Variants in SLC4A10 observed in about 807,000 individuals in gnomAD.
The protein encoded by SLC4A10 is sodium-driven chloride bicarbonate exchanger.
Under a neutral mutation model 137.7 loss-of-function variants are expected in SLC4A10, and 42 were observed. The ratio of observed to expected loss-of-function variants is 0.30; its 90% confidence interval spans 0.24 to 0.39. The LOEUF is 0.39. SLC4A10 is among the 10% of genes least tolerant of loss of function. The pLI is 1.00. For synonymous variants in SLC4A10, 474 were observed against 464.1 expected (o/e 1.02, Z -0.27); for missense variants, 925 against 1,355.0 (o/e 0.68, Z 4.98).
At chr2:161,979,672 G>T (rs1360790727) in intron 26 of SLC4A10, among the ~76,000 whole-genome samples, 1 of 152,110 alleles carries the variant, frequency 6.6e-6, no homozygotes, top group African/African-American at 2.4e-5. Flanking sequence ...ATCTGTTAAA[G>T]GCTTTAAAGC....
chr2:161,923,586 A>G (rs1426271232), intron 15 of SLC4A10, among the ~76,000 whole-genome samples: 1 of 152,014 alleles, frequency 6.6e-6, no homozygotes, highest in African/African-American at 2.4e-5. Flanking sequence ...AAAAAACCAA[A>G]CACTGCATGT....
At chr2:161,718,980 G>A (rs1031714759) in intron 1 of SLC4A10, among the ~76,000 whole-genome samples, 7 of 152,008 alleles carry the variant, frequency 4.6e-5, no homozygotes, top group African/African-American at 1.7e-4. Flanking sequence ...GTATACATGT[G>A]CCATGCTGGT....
At chr2:161,632,222 T>G (rs980917822) in intron 1 of SLC4A10, among the ~76,000 whole-genome samples, 4 of 151,700 alleles carry the variant, frequency 2.6e-5, no homozygotes, top group African/African-American at 9.7e-5. Flanking sequence ...ACATAAAAAG[T>G]AGGTATATAA....
intron 21 of SLC4A10, among the ~76,000 whole-genome samples, chr2:161,963,853 C>G (rs558495045): frequency 6.6e-6 from 1 of 152,164 alleles, no homozygotes; most frequent in African/African-American, 2.4e-5. Context: ...CAGGGCTCCA[C>G]TCTTCAAGGT....
chr2:161,763,019 T>A (rs2050411114), intron 1 of SLC4A10, among the ~76,000 whole-genome samples: 1 of 152,132 alleles, frequency 6.6e-6, no homozygotes, highest in African/African-American at 2.4e-5. Context: ...AGAAAACTTC[T>A]TTGAAAGTGT....
chr2:161,834,038 A>G (rs1057014391), intron 3 of SLC4A10, among the ~76,000 whole-genome samples: 3 of 152,248 alleles, frequency 2.0e-5, no homozygotes, highest in South Asian at 2.1e-4. Flanking sequence ...GTGTTCCACC[A>G]TGACCATTTC....
At chr2:161,767,938 G>GA (rs757377874) in intron 1 of SLC4A10, among the ~76,000 whole-genome samples, 3 of 151,746 alleles carry the variant, frequency 2.0e-5, no homozygotes, top group Non-Finnish European at 4.4e-5. Context: ...CAAAACCTCA[G>GA]AAAAAAGGTG....
intron 1 of SLC4A10, among the ~76,000 whole-genome samples, chr2:161,648,886 A>AT (rs543636162): frequency 9.3e-4 from 141 of 151,728 alleles, no homozygotes; most frequent in Admixed American, 1.5e-3. Flanking sequence ...GTTGTTTTTT[A>AT]TTTTTTTTCC....
At chr2:161,857,435 T>C (rs1022776618) in intron 5 of SLC4A10, among the ~76,000 whole-genome samples, 1 of 152,184 alleles carries the variant, frequency 6.6e-6, no homozygotes, top group African/African-American at 2.4e-5. Context: ...GTGTCAGTGG[T>C]TTAATGCTAA....
chr2:161,634,908 C>T (rs1346967788), intron 1 of SLC4A10, among the ~76,000 whole-genome samples: 2 of 152,002 alleles, frequency 1.3e-5, no homozygotes, highest in Admixed American at 1.3e-4. Flanking sequence ...CTATTCTCTA[C>T]TTCTACAGAA....
intron 1 of SLC4A10, among the ~76,000 whole-genome samples, chr2:161,695,559 C>A (rs2042400329): frequency 6.6e-6 from 1 of 152,140 alleles, no homozygotes; most frequent in South Asian, 2.1e-4. Flanking sequence ...TATTTATAAT[C>A]ATTTATGTTT....
At chr2:161,825,052 T>C (rs1253752990) in intron 3 of SLC4A10, among the ~76,000 whole-genome samples, 1 of 152,218 alleles carries the variant, frequency 6.6e-6, no homozygotes, top group East Asian at 1.9e-4. Flanking sequence ...TTTTCTTGTT[T>C]TCTCCAGTTT....
chr2:161,708,925 T>G, intron 1 of SLC4A10: 1 of 1,339,272 alleles, frequency 7.5e-7, no homozygotes, highest in African/African-American at 1.5e-5. Context: ...AATGTAATTG[T>G]TTATTGTCAG....
At chr2:161,731,831 A>C (rs2046850536) in intron 1 of SLC4A10, among the ~76,000 whole-genome samples, 1 of 152,184 alleles carries the variant, frequency 6.6e-6, no homozygotes, top group African/African-American at 2.4e-5. Flanking sequence ...TTTCCTGTCA[A>C]AATTCCCTGA....
Position 161,964,115 on chromosome 2 carries a change from T to TA in SLC4A10, c.2863-19dup. 1.9e-6 allele frequency: 3 copies of TA among 1,565,738 alleles called. No individual in the cohort carries two copies. Among genetic ancestry groups the TA allele is most frequent in the Non-Finnish European group, 2.6e-6 (3 of 1,154,270 alleles). On this transcript the variant is annotated intron_variant, in intron 21 of 26. Coordinates refer to ENST00000446997, the MANE Select transcript of SLC4A10 (RefSeq NM_001178015.2). Reference sequence around the variant, plus strand: ...TGTTGTCTTACACCTAAAAACAATTTAGTCTGTTTAATCTTTTAGTTCTTT... The same window carrying TA: ...TGTTGTCTTACACCTAAAAACAATTTAAGTCTGTTTAATCTTTTAGTTCTTT...
chr2:161,747,530 T>C (rs2048512097), intron 1 of SLC4A10, among the ~76,000 whole-genome samples: 1 of 152,118 alleles, frequency 6.6e-6, no homozygotes, highest in African/African-American at 2.4e-5. Context: ...ACTCGCCTGA[T>C]TTTTGGTTCT....
chr2:161,830,512 A>G (rs573819267), intron 3 of SLC4A10, among the ~76,000 whole-genome samples: 3 of 151,978 alleles, frequency 2.0e-5, no homozygotes, highest in South Asian at 4.2e-4. Flanking sequence ...CAGTTACAGA[A>G]TAAGACTGGA....
chr2:161,683,804 G>T (rs1186027429), intron 1 of SLC4A10, among the ~76,000 whole-genome samples: 3 of 152,054 alleles, frequency 2.0e-5, no homozygotes, highest in African/African-American at 7.2e-5. Flanking sequence ...AAACTGGTAA[G>T]ATAAAGAAAG....
At chr2:161,709,026 G>T (rs1434034529) in intron 1 of SLC4A10, among the ~76,000 whole-genome samples, 2 of 151,584 alleles carry the variant, frequency 1.3e-5, no homozygotes, top group African/African-American at 2.4e-5. Flanking sequence ...GCCTGTGTGT[G>T]TGTATGTGTT....
Sources: allele counts gnomAD v4.1 joint callset (sites outside exome capture counted in the v4.1 genomes callset), GRCh38; gene constraint gnomAD v4.1.1; transcripts MANE v1.5; gene names NCBI Gene and HGNC (gene_info 2026-07-23, HGNC 2026-07-21).